Variants in PROX1 observed in about 807,000 individuals in gnomAD.
PROX1 encodes prospero homeobox 1.
In PROX1, 7 loss-of-function variants were observed where a neutral mutation model predicts 58.8. That is an observed-to-expected ratio of 0.12 (90% CI 0.07 to 0.22). The LOEUF is 0.22. PROX1 is among the 10% of genes least tolerant of loss of function. PROX1 has a pLI of 1.00. For synonymous variants in PROX1, 350 were observed against 358.3 expected, an observed-to-expected ratio of 0.98 and a Z score of 0.26; for missense variants, 675 against 927.8, an observed-to-expected ratio of 0.73 and a Z score of 3.54.
chr1:213,990,613 C>T (rs1439717891), intron 1 of PROX1, among the ~76,000 whole-genome samples: 2 of 151,370 alleles, frequency 1.3e-5, no homozygotes, highest in Non-Finnish European at 2.9e-5. Context: ...ATGCCTATCT[C>T]CCAGGTCTGT....
At chr1:214,031,125 A>G (rs1017436191) in intron 4 of PROX1, among the ~76,000 whole-genome samples, 2 of 151,880 alleles carry the variant, frequency 1.3e-5, no homozygotes, top group African/African-American at 4.8e-5. Flanking sequence ...GACTGGGCAG[A>G]CTTGAAAACC....
chr1:214,007,995 AG>A (rs1480594293), intron 3 of PROX1, among the ~76,000 whole-genome samples: 2 of 152,340 alleles, frequency 1.3e-5, no homozygotes, highest in African/African-American at 4.8e-5. Context: ...ACATTCATCT[AG>A]GAGAAAATTC....
In PROX1 at chr1:213,997,779, T is replaced by A; in HGVS notation, c.1244T>A (p.Val415Asp). The A allele has an allele frequency of 3.1e-6, 5 of 1,614,222 alleles. No individual in the cohort carries two copies. The highest frequency in any genetic ancestry group is 4.2e-6 in the Non-Finnish European group (5 of 1,180,046). The change falls in exon 2 of 5, where the codon GTC (valine) becomes GAC (aspartate). Residue 415 changes from valine (V) to aspartate (D), a missense_variant. Val to Asp is a radical substitution (Grantham distance 152). Coordinates refer to ENST00000366958, the MANE Select transcript of PROX1 (RefSeq NM_001270616.2). The surrounding 1 kb of genome is among the most constrained non-coding windows in gnomAD (Gnocchi z 7.1). Reference sequence around the variant, plus strand: ...CAGCGCCTGCAGTGCTTTGGCGACGTCATCATTCCGAACCCCCTGGACACC... The same window carrying A: ...CAGCGCCTGCAGTGCTTTGGCGACGACATCATTCCGAACCCCCTGGACACC... ...ANQRLQCFGD[V>D]IIPNPLDTFG...
At chr1:214,005,130 A>G in intron 2 of PROX1, 35 bp from the exon 3 acceptor site, 4 of 1,552,596 alleles carry the variant, frequency 2.6e-6, no homozygotes, top group Non-Finnish European at 3.6e-6. Context: ...CCTTGTGCTT[A>G]CAGAATTGCT....
At chr1:213,987,086 G>A (rs1001497267), upstream of PROX1, among the ~76,000 whole-genome samples, 2 of 152,124 alleles carry the variant, frequency 1.3e-5, no homozygotes, top group Non-Finnish European at 2.9e-5. Context: ...ATTAGTGAAG[G>A]GTAATCGCCA....
chr1:214,012,073 T>A (rs1347718840), intron 4 of PROX1, among the ~76,000 whole-genome samples: 1 of 152,152 alleles, frequency 6.6e-6, no homozygotes, highest in Non-Finnish European at 1.5e-5. Context: ...CATATTTAGG[T>A]TCTGAGAGGT....
In PROX1 at chr1:214,000,113, A is replaced by C. The variant is rs141951027; in HGVS notation, c.1725+1853A>C. On this transcript the variant is annotated intron_variant, in intron 2 of 4. Coordinates refer to ENST00000366958, the MANE Select transcript of PROX1 (RefSeq NM_001270616.2). ...GTGACATGCGTGCCAATTTTGGTGA[A>C]TATTTAAAGATTTAATGCCAGGTTT... Among the ~76,000 whole-genome samples the C allele has an allele frequency of 1.6e-3, 245 of 152,292 alleles. 1 individual carries two copies. The highest frequency in any genetic ancestry group is 5.7e-3 in the African/African-American group (238 of 41,566).
At chr1:214,025,580 C>G (rs918857226) in intron 4 of PROX1, among the ~76,000 whole-genome samples, 1 of 152,170 alleles carries the variant, frequency 6.6e-6, no homozygotes, top group Non-Finnish European at 1.5e-5. Context: ...TTGCTGACCA[C>G]CGGCTGAAGG....
At chr1:214,023,678 G>A (rs1664360298) in intron 4 of PROX1, among the ~76,000 whole-genome samples, 1 of 152,178 alleles carries the variant, frequency 6.6e-6, no homozygotes, top group Non-Finnish European at 1.5e-5. Flanking sequence ...GTATGTGTGA[G>A]AGTTTGTGGT....
intron 4 of PROX1, among the ~76,000 whole-genome samples, chr1:214,020,433 C>T (rs537084718): frequency 4.8e-4 from 73 of 152,330 alleles, no homozygotes; most frequent in Non-Finnish European, 7.9e-4. Context: ...CTGCCCCAGC[C>T]CTCAACAATG....
At chr1:214,002,667 G>A (rs532099695) in intron 2 of PROX1, among the ~76,000 whole-genome samples, 2 of 152,094 alleles carry the variant, frequency 1.3e-5, no homozygotes, top group African/African-American at 4.8e-5. Context: ...CTCGTGTTCA[G>A]TACAGCTGTA....
intron 1 of PROX1, among the ~76,000 whole-genome samples, chr1:213,994,711 C>G (rs1399550275): frequency 7.5e-6 from 1 of 132,810 alleles, no homozygotes; most frequent in Non-Finnish European, 1.6e-5. Flanking sequence ...GAAATTTTAT[C>G]CTGAAGCATG....
intron 1 of PROX1, among the ~76,000 whole-genome samples, chr1:213,988,897 CTCTT>C (rs1341543807): frequency 2.6e-5 from 4 of 151,954 alleles, no homozygotes; most frequent in Non-Finnish European, 5.9e-5. Context: ...CTCCTGCTCT[CTCTT>C]CTCAGGAGAG....
chr1:214,031,583 T>C (rs1296531726), intron 4 of PROX1, among the ~76,000 whole-genome samples: 2 of 152,190 alleles, frequency 1.3e-5, no homozygotes, highest in Admixed American at 6.5e-5. Flanking sequence ...GGGTTCATTC[T>C]GCAGATTGTT....
intron 4 of PROX1, among the ~76,000 whole-genome samples, chr1:214,033,037 G>A (rs1664712029): frequency 6.6e-6 from 1 of 152,042 alleles, no homozygotes; most frequent in Non-Finnish European, 1.5e-5. Flanking sequence ...TGTTCTAGAT[G>A]TACCTCTTCT....
At chr1:214,000,927 G>A (rs868215336) in intron 2 of PROX1, among the ~76,000 whole-genome samples, 14 of 152,064 alleles carry the variant, frequency 9.2e-5, no homozygotes, top group Admixed American at 3.3e-4. Flanking sequence ...AGGGATACGG[G>A]GCCATATATG....
At position 214,041,082 on chromosome 1, in the gene PROX1, C is replaced by T. The variant is rs778628513; in HGVS notation, c.*5248C>T. On this transcript the variant is annotated 3_prime_UTR_variant, in exon 5 of 5. Coordinates refer to ENST00000366958, the MANE Select transcript of PROX1 (RefSeq NM_001270616.2). ...TGGGGAGGGTGGGAAAGGGGTTTTA[C>T]TTTGTGTGTTTTAAGCTTTTGTATA... 5.3e-5 allele frequency: 8 copies of T among 151,806 alleles called. No homozygotes were observed. The highest frequency in any genetic ancestry group is 1.0e-4 in the Non-Finnish European group (7 of 67,890). The allele number at this position is 151,806 out of a possible 1,614,324, so 9.4% of individuals were successfully genotyped here. A position where few individuals can be genotyped will look rare whatever the true frequency, so the allele number is the denominator to read the frequency against.
In PROX1 at chr1:214,035,886, T is replaced by G. The variant is rs985146842; in HGVS notation, c.*52T>G. On this transcript the variant is annotated 3_prime_UTR_variant, in exon 5 of 5. Coordinates refer to ENST00000366958, the MANE Select transcript of PROX1 (RefSeq NM_001270616.2). Reference sequence around the variant, plus strand: ...ATGAAGAGTAGCAGTCCCCTTTGGATGTCCAAGTTATATGTGTCTAGATTT... The same window carrying G: ...ATGAAGAGTAGCAGTCCCCTTTGGAGGTCCAAGTTATATGTGTCTAGATTT... 1.3e-6 allele frequency: 2 copies of G among 1,504,310 alleles called. No individual in the cohort carries two copies. The highest frequency in any genetic ancestry group is 2.6e-5 in the South Asian group (2 of 77,262). 93.2% of individuals were successfully genotyped at this position (1,504,310 alleles called of 1,614,324 possible). A position where few individuals can be genotyped will look rare whatever the true frequency, so the allele number is the denominator to read the frequency against.
chr1:214,026,146 T>C (rs1664451211), intron 4 of PROX1, among the ~76,000 whole-genome samples: 2 of 152,244 alleles, frequency 1.3e-5, no homozygotes, highest in African/African-American at 4.8e-5. Context: ...TGATTTTGCT[T>C]GCATATTTGT....
Sources: gnomAD v4.1 joint callset for allele counts (sites outside exome capture counted in the v4.1 genomes callset) on GRCh38, gnomAD v4.1.1 for gene constraint, Gnocchi (gnomAD v3.1) non-coding constraint, MANE v1.5 for transcripts, NCBI Gene and HGNC (gene_info 2026-07-23, HGNC 2026-07-21) for gene names.